The following NOP9 variants were observed in gnomAD, a reference collection of about 807,000 sequenced individuals.
NOP9 encodes NOP9 nucleolar protein.
A neutral mutation model predicts 63.0 loss-of-function variants in NOP9; 50 were observed. That is an observed-to-expected ratio of 0.79 (90% CI 0.63 to 1.00). The LOEUF is 1.00. Ranked by LOEUF, NOP9 falls within the 50% of genes least tolerant of loss-of-function variation. NOP9 has a pLI of 0.00. For synonymous variants in NOP9, 343 were observed against 332.8 expected (o/e 1.03, Z -0.33); for missense variants, 758 against 803.0 (o/e 0.94, Z 0.68).
At chr14:24,296,477 G>C, upstream of NOP9, 12 of 1,611,668 alleles carry the variant, frequency 7.4e-6, no homozygotes, top group Non-Finnish European at 1.0e-5. Flanking sequence ...AAGTGAGTGA[G>C]GGAACATGGG....
rs1447366734 is a variant in NOP9, at chr14:24,302,189, A to C, written c.951-43A>C. ...GTGATGTAGTGCAACTGTATTTTGC[A>C]TGAAATGGAGTTAAGACTGCCTGAT... On this transcript the variant is annotated intron_variant, in intron 4 of 9. Transcript: ENST00000267425. The C allele has an allele frequency of 4.4e-6, 7 of 1,600,696 alleles. No individual in the cohort carries two copies. In the East Asian group the frequency reaches 1.6e-4, roughly 36 times the overall value.
chr14:24,300,524 C>T lies in NOP9; in HGVS notation c.364C>T (p.Leu122Phe). ...GTTGGGATTCAGTCCCTTGAAACCG[C>T]TTTGTCGCGTGTGGGCTGCTCTGCG... ...ELLGFSPLKP[L>F]CRVWAALRSN... The change falls in exon 2 of 10, where the codon CTT becomes TTT. Residue 122 changes from leucine (L) to phenylalanine (F), a missense_variant. Physicochemically the swap from Leu to Phe is conservative, Grantham distance 22 (BLOSUM62 0). Transcript: ENST00000267425. 2.5e-6 allele frequency: 4 copies of T among 1,614,224 alleles called. No individual in the cohort carries two copies. In the South Asian group the frequency reaches 4.4e-5, roughly 18 times the overall value.
chr14:24,296,455 G>A, upstream of NOP9: 14 of 1,572,410 alleles, frequency 8.9e-6, no homozygotes, highest in South Asian at 5.5e-5. Flanking sequence ...AGGCCTGGCC[G>A]TCGAGTTGGC....
At chr14:24,272,879 T>A in the NOP9 span, among the ~76,000 whole-genome samples, 1 of 152,236 alleles carries the variant, frequency 6.6e-6, no homozygotes, top group Admixed American at 6.5e-5. Context: ...AAGATTTAAC[T>A]TTTTGAACTC....
chr14:24,307,547 C>A lies in NOP9; in HGVS notation c.*2452C>A, dbSNP rs766313583. 5 of 1,604,524 alleles carry A rather than the reference C, an allele frequency of 3.1e-6. No homozygotes were observed. The highest frequency in any genetic ancestry group is 4.3e-6 in the Non-Finnish European group (5 of 1,174,482). On this transcript the variant is annotated 3_prime_UTR_variant, in exon 10 of 10. Coordinates refer to ENST00000267425, the MANE Select transcript of NOP9 (RefSeq NM_174913.3). ...GTTGAGAAGAAAAGTCAAGAAGGGGCGAGGAGGGGCTTGGTGAGTGTAAAG... is the reference window on the plus strand; with the variant it reads ...GTTGAGAAGAAAAGTCAAGAAGGGGAGAGGAGGGGCTTGGTGAGTGTAAAG...
chr14:24,292,050 A>G, the NOP9 span: 2 of 1,123,660 alleles, frequency 1.8e-6, no homozygotes, highest in Non-Finnish European at 2.6e-6. Flanking sequence ...ATTAAAGGAA[A>G]TAATGTGTGT....
intron 6 of NOP9, among the ~76,000 whole-genome samples, chr14:24,303,525 AAGAG>A (rs2041416644): frequency 6.6e-6 from 1 of 152,094 alleles, no homozygotes; most frequent in African/African-American, 2.4e-5. Flanking sequence ...TCCCAGAACT[AAGAG>A]AGAAGTTTAT....
At chr14:24,300,939 GTC>G in intron 2 of NOP9, 82 bp downstream of exon 2, 1 of 1,131,408 alleles carries the variant, frequency 8.8e-7, no homozygotes, top group South Asian at 1.5e-5. Context: ...AGAAGAGTAA[GTC>G]TTCATGGGGG....
At chr14:24,288,245 T>C in the NOP9 span, among the ~76,000 whole-genome samples, 3 of 152,216 alleles carry the variant, frequency 2.0e-5, no homozygotes, top group African/African-American at 4.8e-5. Flanking sequence ...GAAAGTCTTT[T>C]GTGGGCGGGG....
At chr14:24,303,988 C>G in intron 7 of NOP9, 53 bp from the exon 8 acceptor site, 1 of 1,582,610 alleles carries the variant, frequency 6.3e-7, no homozygotes, top group South Asian at 1.1e-5. Flanking sequence ...TGGGGATGGG[C>G]TCATCCACCT....
the NOP9 span, among the ~76,000 whole-genome samples, chr14:24,275,660 G>A: frequency 6.6e-6 from 1 of 152,138 alleles, no homozygotes; most frequent in African/African-American, 2.4e-5. Context: ...GGGGCCACGA[G>A]CCCTGGGTCA....
chr14:24,308,624 A>G lies in NOP9; in HGVS notation c.*3529A>G, dbSNP rs2041595205. The stretch of plus-strand genomic sequence containing the variant: ...ATTAGTGGACGTGACAGAGATGTGA[A>G]TGGGGCAGGGATGTCCTTTGATGGC... On this transcript the variant is annotated 3_prime_UTR_variant, in exon 10 of 10. Transcript: ENST00000267425. 6.5e-6 allele frequency: 1 copy of G among 153,100 alleles called. No homozygotes were observed. Among genetic ancestry groups the G allele is most frequent in the Non-Finnish European group, 1.5e-5 (1 of 68,678 alleles). The allele number at this position is 153,100 out of a possible 1,614,324, so 9.5% of individuals were successfully genotyped here. A position where few individuals can be genotyped will look rare whatever the true frequency, so the allele number is the denominator to read the frequency against.
intron 5 of NOP9, 99 bp downstream of exon 5, chr14:24,302,523 T>C: frequency 3.4e-6 from 4 of 1,187,786 alleles, no homozygotes; most frequent in Non-Finnish European, 4.7e-6. Flanking sequence ...GACATTGTGC[T>C]GGCCATTGCC....
At position 24,302,294 on chromosome 14, in the gene NOP9, T is replaced by G. The variant is rs537212196; in HGVS notation, c.1013T>G (p.Val338Gly). Residue 338 changes from valine to glycine, a missense_variant, in exon 5 of 10, where the codon GTG becomes GGG. Val to Gly is a moderately radical substitution (Grantham distance 109, BLOSUM62 -3). Transcript: ENST00000267425. The part of the protein sequence containing the change: ...SSRLLEQVLL[V>G]LEPPRLQSLF... ...AGACTCCTGGAGCAGGTCCTGCTGG[T>G]GTTGGAGCCCCCAAGACTCCAGAGC... is the stretch of plus-strand genomic sequence containing the variant. 14 of 1,614,116 alleles carry G rather than the reference T, an allele frequency of 8.7e-6. No homozygotes were observed. The South Asian group carries it at 1.4e-4, about 16-fold the overall frequency.
At chr14:24,286,666 C>T in the NOP9 span, among the ~76,000 whole-genome samples, 59,169 of 151,826 alleles carry the variant, frequency 0.39, 12,855 homozygotes, top group Middle Eastern at 0.57. Context: ...GATCTCGACT[C>T]ACTGCAAGCT....
Position 24,300,533 on chromosome 14 carries a change from G to A in NOP9, c.373G>A (p.Val125Met), listed in dbSNP as rs957104452. Residue 125 changes from valine to methionine, a missense_variant, in exon 2 of 10, where the codon GTG becomes ATG. Physicochemically the swap from Val to Met is conservative, Grantham distance 21. Coordinates refer to ENST00000267425, the MANE Select transcript of NOP9 (RefSeq NM_174913.3). ...CAGTCCCTTGAAACCGCTTTGTCGC[G>A]TGTGGGCTGCTCTGCGCTCTAACTT... The part of the protein sequence containing the change: ...GFSPLKPLCR[V>M]WAALRSNLRT... 1.5e-5 allele frequency: 24 copies of A among 1,614,240 alleles called. No homozygotes were observed. Among genetic ancestry groups the A allele is most frequent in the Non-Finnish European group, 2.0e-5 (24 of 1,180,040 alleles).
At chr14:24,276,376 C>CA in the NOP9 span, among the ~76,000 whole-genome samples, 53,900 of 115,084 alleles carry the variant, frequency 0.47, 10,904 homozygotes, top group African/African-American at 0.54. Context: ...GACTCGGTCT[C>CA]AAAAAAAAAA....
intron 2 of NOP9, 142 bp downstream of exon 2, chr14:24,300,999 C>T (rs2041366892): frequency 2.9e-6 from 2 of 694,456 alleles, no homozygotes; most frequent in East Asian, 2.7e-5. Context: ...CTGAACAGGG[C>T]TTAGCAAGCC....
chr14:24,288,892 T>G, the NOP9 span, among the ~76,000 whole-genome samples: 1 of 152,182 alleles, frequency 6.6e-6, no homozygotes, highest in Non-Finnish European at 1.5e-5. Flanking sequence ...TTGCTCAGGC[T>G]GTAGTGGCGT....
Sources: gnomAD v4.1 joint callset for allele counts (sites outside exome capture counted in the v4.1 genomes callset) on GRCh38, gnomAD v4.1.1 for gene constraint, MANE v1.5 for transcripts, NCBI Gene and HGNC (gene_info 2026-07-23, HGNC 2026-07-21) for gene names.